ITGB4: variants seen among roughly 807,000 people sequenced by gnomAD.
ITGB4 encodes integrin beta-4.
ITGB4 carries 159 observed loss-of-function variants against 207.6 expected under a neutral mutation model. The observed-to-expected ratio is 0.77, with a 90% confidence interval of 0.67 to 0.87. The LOEUF (loss-of-function observed/expected upper bound fraction) is 0.87, where lower values mean the gene tolerates loss of function less well. Among genes scored for constraint, ITGB4 ranks in the 40% least tolerant of loss-of-function variants. The pLI, the probability that ITGB4 is intolerant of heterozygous loss-of-function variation, is 0.00. For synonymous variants in ITGB4, 1,020 were observed against 1,062.7 expected, an observed-to-expected ratio of 0.96 and a Z score of 0.78; for missense variants, 2,278 against 2,546.8, an observed-to-expected ratio of 0.89 and a Z score of 2.27.
chr17:75,753,818 G>A lies in ITGB4; in HGVS notation c.4162G>A (p.Val1388Ile). The A allele has an allele frequency of 6.8e-7, 1 of 1,464,382 alleles. No homozygotes were observed. Among genetic ancestry groups the A allele is most frequent in the Non-Finnish European group, 9.0e-7 (1 of 1,109,150 alleles). 90.7% of individuals were successfully genotyped at this position (1,464,382 alleles called of 1,614,324 possible). A position where few individuals can be genotyped will look rare whatever the true frequency, so the allele number is the denominator to read the frequency against. ...GGGGGAGGAGCTGGACCTGCGGCGC[G>A]TCACGTGGCGGCTGCCCCCGGAGCT... ...LLGEELDLRRVTWRLPPELIP... is the reference protein window; with the variant it reads ...LLGEELDLRRITWRLPPELIP... The change falls in exon 33 of 40, where the codon GTC becomes ATC. Residue 1388 changes from valine to isoleucine, a missense_variant. By Grantham distance (29) the Val-to-Ile change is conservative (BLOSUM62 3). Transcript: ENST00000200181.
In ITGB4 at chr17:75,750,033, T is replaced by G; in HGVS notation, c.3317-78T>G. 1 of 1,571,068 alleles carries G rather than the reference T, an allele frequency of 6.4e-7. No individual in the cohort carries two copies. On this transcript the variant is annotated intron_variant, in intron 27 of 39. Transcript: ENST00000200181. This position sits in a 1 kb window ranked among gnomAD's most constrained non-coding sequence, Gnocchi z 5.5. The stretch of plus-strand genomic sequence containing the variant: ...AATGCGCTGGGTAGAGCGCCCTGGG[T>G]GTTGAAGTGGGTCTCTGGCGCCCCC...
chr17:75,741,512 G>T (rs1353087031), intron 23 of ITGB4, among the ~76,000 whole-genome samples: 1 of 152,054 alleles, frequency 6.6e-6, no homozygotes, highest in African/African-American at 2.4e-5. Context: ...ATGACCATCA[G>T]TAAGAACCGT....
At position 75,727,122 on chromosome 17, in the gene ITGB4, G is replaced by A. The variant is rs2060734806; in HGVS notation, c.80-73G>A. 3 of 1,133,718 alleles carry A rather than the reference G, an allele frequency of 2.6e-6. No individual in the cohort carries two copies. Among genetic ancestry groups the A allele is most frequent in the Non-Finnish European group, 4.0e-6 (3 of 752,788 alleles). 70.2% of individuals were successfully genotyped at this position (1,133,718 alleles called of 1,614,324 possible). On this transcript the variant is annotated intron_variant, in intron 2 of 39. Transcript: ENST00000200181. The surrounding 1 kb of genome is among the most constrained non-coding windows in gnomAD (Gnocchi z 6.0). The stretch of plus-strand genomic sequence containing the variant: ...GGAGGGAATCCCCATCTCTCCAGGT[G>A]AAGGTGCAGGTGGGAAAGTGCTTGC...
At position 75,739,595 on chromosome 17, in the gene ITGB4, G is replaced by T; in HGVS notation, c.2221-77G>T. The T allele has an allele frequency of 6.5e-7, 1 of 1,529,260 alleles. No homozygotes were observed. Among genetic ancestry groups the T allele is most frequent in the Non-Finnish European group, 9.1e-7 (1 of 1,104,392 alleles). The allele number at this position is 1,529,260 out of a possible 1,614,324, so 94.7% of individuals were successfully genotyped here. On this transcript the variant is annotated intron_variant, in intron 18 of 39. Transcript: ENST00000200181. The surrounding 1 kb of genome is among the most constrained non-coding windows in gnomAD (Gnocchi z 5.4). ...GTCACCCCTCTTGACCATTGGCATG[G>T]GGCGGGGTGGCTGGAAGGGCTTACC...
chr17:75,727,226 C>T lies in ITGB4; in HGVS notation c.111C>T (p.Ser37=), dbSNP rs767136048. The change falls in exon 3 of 40, where the codon AGC becomes AGT. Residue 37 remains serine, a synonymous_variant. Transcript: ENST00000200181. This position sits in a 1 kb window ranked among gnomAD's most constrained non-coding sequence, Gnocchi z 6.0. ...ANRCKKAPVK[S]CTECVRVDKD... ...GCTGCAAGAAGGCCCCAGTGAAGAG[C>T]TGCACGGAGTGTGTCCGTGTGGATA... 7 of 1,613,958 alleles carry T rather than the reference C, an allele frequency of 4.3e-6. No homozygotes were observed. The highest frequency in any genetic ancestry group is 5.9e-6 in the Non-Finnish European group (7 of 1,179,988).
rs149608383 is a variant in ITGB4 at position 75,740,441 on chromosome 17, C to T, written c.2530C>T (p.Arg844Cys). The T allele has an allele frequency of 1.4e-5, 23 of 1,613,602 alleles. No individual in the cohort carries two copies. Among genetic ancestry groups the T allele is most frequent in the South Asian group, 1.1e-4 (10 of 91,052 alleles). The change falls in exon 21 of 40, where the codon CGC becomes TGC. Residue 844 changes from arginine (R) to cysteine (C), a missense_variant. Transcript: ENST00000200181. The surrounding 1 kb of genome is among the most constrained non-coding windows in gnomAD (Gnocchi z 5.9). ...TGACACTCGGGAGTGCGCCCAGCTG[C>T]GCCAGGAGGTGGAGGAGAACGTAAG... ...KPDTRECAQLRQEVEENLNEV... is the reference protein window; with the variant it reads ...KPDTRECAQLCQEVEENLNEV...
At position 75,750,768 on chromosome 17, in the gene ITGB4, C is replaced by G. The variant is rs1358810148; in HGVS notation, c.3563C>G (p.Pro1188Arg). 2 of 1,613,558 alleles carry G rather than the reference C, an allele frequency of 1.2e-6. No homozygotes were observed. Among genetic ancestry groups the G allele is most frequent in the East Asian group, 2.2e-5 (1 of 44,886 alleles). The change falls in exon 29 of 40, where the codon CCG (proline) becomes CGG (arginine). Residue 1188 changes from proline to arginine, a missense_variant. Pro to Arg is a moderately radical substitution (Grantham distance 103). Coordinates refer to ENST00000200181, the MANE Select transcript of ITGB4 (RefSeq NM_000213.5). This position sits in a 1 kb window ranked among gnomAD's most constrained non-coding sequence, Gnocchi z 5.5. ...VPSVELTNLY[P>R]YCDYEMKVCA... Reference sequence around the variant, plus strand: ...TCAGTGGAGCTCACCAACCTGTACCCGTATTGCGACTATGAGATGAAGGTG... The same window carrying G: ...TCAGTGGAGCTCACCAACCTGTACCGGTATTGCGACTATGAGATGAAGGTG...
chr17:75,751,439 G>A (rs113424540), intron 30 of ITGB4, among the ~76,000 whole-genome samples: 3,858 of 152,296 alleles, frequency 0.025, 60 homozygotes, highest in East Asian at 0.044. Flanking sequence ...GAAAGTTACC[G>A]GATTTAGCAA....
chr17:75,752,316 C>T lies in ITGB4; in HGVS notation c.3936C>T (p.Ala1312=). ...CCGGCTGGGGGCCTGAGCGGGAGGCCATCATCAACCTGGCCACCCAGCCCA... is the reference window on the plus strand; with the variant it reads ...CCGGCTGGGGGCCTGAGCGGGAGGCTATCATCAACCTGGCCACCCAGCCCA... ...NGAGWGPERE[A]IINLATQPKR... The change falls in exon 31 of 40, where the codon GCC becomes GCT. Residue 1312 remains alanine, a synonymous_variant. Coordinates refer to ENST00000200181, the MANE Select transcript of ITGB4 (RefSeq NM_000213.5). The T allele has an allele frequency of 6.2e-7, 1 of 1,612,978 alleles. No homozygotes were observed. The highest frequency in any genetic ancestry group is 8.5e-7 in the Non-Finnish European group (1 of 1,179,886).
At position 75,750,576 on chromosome 17, in the gene ITGB4, C is replaced by A; in HGVS notation, c.3475-104C>A. ...AGATCTCTCAGCCCCTCCCTCGGGC[C>A]TCATCTGTGCAAAGAGGACAGTAAG... On this transcript the variant is annotated intron_variant, in intron 28 of 39. Transcript: ENST00000200181. This position sits in a 1 kb window ranked among gnomAD's most constrained non-coding sequence, Gnocchi z 5.5. The A allele has an allele frequency of 9.4e-7, 1 of 1,065,078 alleles. No individual in the cohort carries two copies. The highest frequency in any genetic ancestry group is 1.4e-6 in the Non-Finnish European group (1 of 708,802). 66.0% of individuals were successfully genotyped at this position (1,065,078 alleles called of 1,614,324 possible).
chr17:75,740,815 TCTC>T lies in ITGB4; in HGVS notation c.2575_2577del (p.Ser859del). Reference sequence around the variant, plus strand: ...CAGCTGAACGAGGTCTACAGGCAGATCTCCGGTGTACACAAGCTCCAGCAGACC... The same window carrying T: ...CAGCTGAACGAGGTCTACAGGCAGATCGGTGTACACAAGCTCCAGCAGACC... On this transcript the variant is annotated inframe_deletion, in exon 22 of 40. Transcript: ENST00000200181. The surrounding 1 kb of genome is among the most constrained non-coding windows in gnomAD (Gnocchi z 5.9). 3 of 1,613,450 alleles carry T rather than the reference TCTC, an allele frequency of 1.9e-6. No homozygotes were observed. The highest frequency in any genetic ancestry group is 2.5e-6 in the Non-Finnish European group (3 of 1,179,986).
Position 75,753,792 on chromosome 17 carries a change from TG to T in ITGB4, c.4141del (p.Glu1381ArgfsTer63). 6.9e-7 allele frequency: 1 copy of T among 1,459,082 alleles called. No homozygotes were observed. The highest frequency in any genetic ancestry group is 9.0e-7 in the Non-Finnish European group (1 of 1,105,592). The allele number at this position is 1,459,082 out of a possible 1,614,324, so 90.4% of individuals were successfully genotyped here. ...TGCGGCTGGAAGTTCGAGCCCCTGCTGGGGGAGGAGCTGGACCTGCGGCGCG... is the reference window on the plus strand; with the variant it reads ...TGCGGCTGGAAGTTCGAGCCCCTGCTGGGGAGGAGCTGGACCTGCGGCGCG... Reference protein sequence around the residue: ...TGCGWKFEPLLGEELDLRRVT... With the variant: ...TGCGWKFEPLXGEELDLRRVT... On this transcript the variant is annotated frameshift_variant, in exon 33 of 40. Transcript: ENST00000200181. LOFTEE classifies it high-confidence loss of function.
chr17:75,729,490 C>T lies in ITGB4; in HGVS notation c.738+54C>T. Reference sequence around the variant, plus strand: ...TAGGCCAGGGGTGAGCACTTCTGGGCAAGGGCCTGAGCTGCCCCCTGGCCT... The same window carrying T: ...TAGGCCAGGGGTGAGCACTTCTGGGTAAGGGCCTGAGCTGCCCCCTGGCCT... On this transcript the variant is annotated intron_variant, in intron 7 of 39. Transcript: ENST00000200181. This position sits in a 1 kb window ranked among gnomAD's most constrained non-coding sequence, Gnocchi z 4.4. The T allele has an allele frequency of 1.3e-6, 2 of 1,583,252 alleles. No homozygotes were observed. Among genetic ancestry groups the T allele is most frequent in the South Asian group, 1.1e-5 (1 of 88,424 alleles).
In ITGB4 at chr17:75,749,605, G is replaced by C. The variant is rs967564162; in HGVS notation, c.3317-506G>C. On this transcript the variant is annotated intron_variant, in intron 27 of 39. Coordinates refer to ENST00000200181, the MANE Select transcript of ITGB4 (RefSeq NM_000213.5). ...CTGCATTTTATCTGGCAACCCTACA[G>C]CTAGAGAGGCTGTTGTCACCACACA... Among the ~76,000 whole-genome samples, 5 of 152,322 alleles carry C rather than the reference G, an allele frequency of 3.3e-5. No homozygotes were observed. The South Asian group carries it at 1.0e-3, about 32-fold the overall frequency.
At position 75,747,458 on chromosome 17, in the gene ITGB4, A is replaced by G. The variant is rs139485451; in HGVS notation, c.3112-1383A>G. ...TGCGCCACTTCACTCCAGTCTGGGC[A>G]AAAGAGCAAAACTCCATCCCAAAAA... On this transcript the variant is annotated intron_variant, in intron 26 of 39. Coordinates refer to ENST00000200181, the MANE Select transcript of ITGB4 (RefSeq NM_000213.5). 4.2e-3 allele frequency among the ~76,000 whole-genome samples: 636 copies of G among 152,280 alleles called. 1 individual carries two copies. Among genetic ancestry groups the G allele is most frequent in the African/African-American group, 0.014 (575 of 41,548 alleles).
chr17:75,739,926 C>A lies in ITGB4; in HGVS notation c.2301C>A (p.Asn767Lys), dbSNP rs778451258. 8 of 1,613,424 alleles carry A rather than the reference C, an allele frequency of 5.0e-6. No homozygotes were observed. In the South Asian group the frequency reaches 5.5e-5, roughly 11 times the overall value. Residue 767 changes from asparagine to lysine, a missense_variant, in exon 20 of 40, where the codon AAC (asparagine) becomes AAA (lysine). Asn to Lys is a moderately conservative substitution (Grantham distance 94). Transcript: ENST00000200181. The surrounding 1 kb of genome is among the most constrained non-coding windows in gnomAD (Gnocchi z 5.4). ...FKEDHYMLRE[N>K]LMASDHLDTP... is the part of the protein sequence containing the mutation. ...AAGACCACTACATGCTGCGGGAGAACCTGATGGCCTCTGACCACTTGGACA... is the reference window on the plus strand; with the variant it reads ...AAGACCACTACATGCTGCGGGAGAAACTGATGGCCTCTGACCACTTGGACA...
At chr17:75,726,674 G>A (rs2060723034) in intron 2 of ITGB4, among the ~76,000 whole-genome samples, 1 of 152,196 alleles carries the variant, frequency 6.6e-6, no homozygotes. Context: ...GGAGGTTGAA[G>A]TGAGCTGAGA....
chr17:75,740,912 G>A lies in ITGB4; in HGVS notation c.2609+61G>A, dbSNP rs1330793887. The stretch of plus-strand genomic sequence containing the variant: ...CGCTCCTACCGGGACTCCAGGAGCC[G>A]AAGCCCCCAGGCCGATCAGGCCTCC... On this transcript the variant is annotated intron_variant, in intron 22 of 39. Transcript: ENST00000200181. The surrounding 1 kb of genome is among the most constrained non-coding windows in gnomAD (Gnocchi z 5.9). The A allele has an allele frequency of 6.0e-5, 97 of 1,613,384 alleles. 1 individual carries two copies. The highest frequency in any genetic ancestry group is 5.9e-4 in the South Asian group (54 of 91,066).
At chr17:75,730,143 C>G (rs1248576712) in intron 7 of ITGB4, 98 bp from the exon 8 acceptor site, 1 of 1,525,082 alleles carries the variant, frequency 6.6e-7, no homozygotes, top group East Asian at 2.3e-5. Flanking sequence ...TTAAGCCCAG[C>G]CCCATGTTGG....
Sources: allele counts gnomAD v4.1 joint callset (sites outside exome capture counted in the v4.1 genomes callset), GRCh38; gene constraint gnomAD v4.1.1; non-coding constraint Gnocchi (gnomAD v3.1); transcripts MANE v1.5; gene names NCBI Gene and HGNC (gene_info 2026-07-23, HGNC 2026-07-21).